The following RSRP1 variants were observed in gnomAD, a reference collection of about 807,000 sequenced individuals.
RSRP1 encodes the protein arginine and serine rich protein 1.
RSRP1 carries 37 observed loss-of-function variants against 33.0 expected under a neutral mutation model. That is an observed-to-expected ratio of 1.12 (90% confidence interval 0.86 to 1.48). RSRP1 has a LOEUF of 1.48. Ranked by LOEUF, RSRP1 falls within the 40% of genes most tolerant of loss-of-function variation. The pLI is 0.00. For synonymous variants in RSRP1, 167 were observed against 158.7 expected (o/e 1.05, Z -0.40); for missense variants, 402 against 385.3 (o/e 1.04, Z -0.36).
intron 1 of RSRP1, among the ~76,000 whole-genome samples, chr1:25,303,730 G>A (rs191247400): frequency 7.6e-5 from 10 of 131,500 alleles, no homozygotes; most frequent in Non-Finnish European, 1.6e-4. Context: ...TCAAGGACAG[G>A]GACTGGAGTG....
chr1:25,318,438 A>C (rs1644523518), intron 1 of RSRP1, among the ~76,000 whole-genome samples: 1 of 130,788 alleles, frequency 7.6e-6, no homozygotes, highest in Admixed American at 7.4e-5. Flanking sequence ...AAATACAAAA[A>C]TTAGCCAGGC....
At chr1:25,260,365 A>G (rs1368677483) in intron 1 of RSRP1, among the ~76,000 whole-genome samples, 1 of 152,214 alleles carries the variant, frequency 6.6e-6, no homozygotes, top group East Asian at 1.9e-4. Flanking sequence ...AGGACTTTTA[A>G]ACTATAAGCA....
In RSRP1 at chr1:25,306,853, T is replaced by C. The variant is rs756354071; in HGVS notation, c.-67+31125A>G. 5.2e-6 allele frequency: 5 copies of C among 954,122 alleles called. No individual in the cohort carries two copies. In the Admixed American group the frequency reaches 9.2e-5, roughly 18 times the overall value. The allele number at this position is 954,122 out of a possible 1,614,324, so 59.1% of individuals were successfully genotyped here. A position where few individuals can be genotyped will look rare whatever the true frequency, so the allele number is the denominator to read the frequency against. ...CAGGTGCTCAGTAGGCTTCGGTGAA[T>C]ATTTGTTGGCTGATTTATTCAGAAA... On this transcript the variant is annotated intron_variant, in intron 1 of 1. Coordinates refer to the RSRP1 transcript ENST00000561867.
In RSRP1 at chr1:25,307,514, T is replaced by C. The variant is rs1643911784; in HGVS notation, c.-67+30464A>G. 3.9e-6 allele frequency: 2 copies of C among 510,282 alleles called. 1 individual carries two copies. Among genetic ancestry groups the C allele is most frequent in the Non-Finnish European group, 7.4e-6 (2 of 268,502 alleles). The allele number at this position is 510,282 out of a possible 1,614,324, so 31.6% of individuals were successfully genotyped here. On this transcript the variant is annotated intron_variant, in intron 1 of 1. Coordinates refer to the RSRP1 transcript ENST00000561867. ...TCACTGATAACATTTACTACTGTTA[T>C]TGACTGCTTTAAAAGTGTTGGGCAT...
intron 1 of RSRP1, among the ~76,000 whole-genome samples, chr1:25,291,106 C>T (rs1417562064): frequency 7.7e-6 from 1 of 130,026 alleles, no homozygotes; most frequent in Admixed American, 7.5e-5. Context: ...AGCTGGGCAA[C>T]ATAGCAAGAC....
At chr1:25,256,490 T>G (rs1272342038) in intron 1 of RSRP1, among the ~76,000 whole-genome samples, 1 of 152,118 alleles carries the variant, frequency 6.6e-6, no homozygotes, top group Non-Finnish European at 1.5e-5. Flanking sequence ...AGAGTCTCAC[T>G]CAGTCACCCA....
chr1:25,289,225 TACTC>T (rs1484602144), intron 1 of RSRP1, among the ~76,000 whole-genome samples: 2 of 132,418 alleles, frequency 1.5e-5, no homozygotes, highest in African/African-American at 5.2e-5. Context: ...GAGGCAGTCT[TACTC>T]TGTTGCCCAG....
intron 1 of RSRP1, chr1:25,290,563 G>GA: frequency 9.1e-7 from 1 of 1,099,794 alleles, no homozygotes; most frequent in Non-Finnish European, 1.4e-6. Flanking sequence ...AAGAATGAAT[G>GA]AATGAATGAA....
chr1:25,270,467 G>C lies in RSRP1; in HGVS notation c.-66-23438C>G, dbSNP rs1163838500. Among the ~76,000 whole-genome samples the C allele has an allele frequency of 1.5e-5, 2 of 131,436 alleles. 1 individual carries two copies. Among genetic ancestry groups the C allele is most frequent in the Non-Finnish European group, 3.6e-5 (2 of 55,648 alleles). 86.2% of individuals were successfully genotyped at this position (131,436 alleles called of 152,430 possible). ...ACAAACCCTATTGGGAACCGCGCATGAGAGGGATCTAGGTTGCGTGCTCCT... is the reference window on the plus strand; with the variant it reads ...ACAAACCCTATTGGGAACCGCGCATCAGAGGGATCTAGGTTGCGTGCTCCT... On this transcript the variant is annotated intron_variant, in intron 1 of 1. Coordinates refer to the RSRP1 transcript ENST00000561867.
In RSRP1 at chr1:25,301,722, C is replaced by G. The variant is rs1437958523; in HGVS notation, c.-67+36256G>C. On this transcript the variant is annotated intron_variant, in intron 1 of 1. Transcript: ENST00000561867. ...CGCTGCCCTTGGGCAGCACTTGGGTCTAACAGGACTAGCACACATATTTAT... is the reference window on the plus strand; with the variant it reads ...CGCTGCCCTTGGGCAGCACTTGGGTGTAACAGGACTAGCACACATATTTAT... The G allele has an allele frequency of 7.5e-6, 10 of 1,325,674 alleles. 3 individuals carry two copies. The highest frequency in any genetic ancestry group is 9.7e-6 in the Non-Finnish European group (9 of 930,846). 82.1% of individuals were successfully genotyped at this position (1,325,674 alleles called of 1,614,324 possible).
chr1:25,297,033 C>T lies in RSRP1; in HGVS notation c.-67+40945G>A, dbSNP rs1643013243. On this transcript the variant is annotated intron_variant, in intron 1 of 1. Transcript: ENST00000561867. ...TATGATTACCTTATTCTCATTTCACCAATTTTCTCAATAATATCTTTTCTA... is the reference window on the plus strand; with the variant it reads ...TATGATTACCTTATTCTCATTTCACTAATTTTCTCAATAATATCTTTTCTA... Among the ~76,000 whole-genome samples, 4 of 130,800 alleles carry T rather than the reference C, an allele frequency of 3.1e-5. 1 individual carries two copies. Among genetic ancestry groups the T allele is most frequent in the Non-Finnish European group, 5.4e-5 (3 of 55,672 alleles). The allele number at this position is 130,800 out of a possible 152,430, so 85.8% of individuals were successfully genotyped here.
intron 1 of RSRP1, among the ~76,000 whole-genome samples, chr1:25,333,036 G>A (rs1385172884): frequency 7.6e-6 from 1 of 131,728 alleles, no homozygotes; most frequent in Non-Finnish European, 1.8e-5. Flanking sequence ...AAAGGCTGGT[G>A]TAGGTCCTGG....
At chr1:25,253,858 C>T (rs568707006) in intron 1 of RSRP1, 2 of 152,220 alleles carry the variant, frequency 1.3e-5, no homozygotes, top group Non-Finnish European at 2.9e-5. Context: ...AGCACTGCTC[C>T]AGGAGTTTCC....
rs1268679489 is a variant in RSRP1, at chr1:25,322,523, G to C, written c.-67+15455C>G. Among the ~76,000 whole-genome samples the C allele has an allele frequency of 3.8e-5, 5 of 132,068 alleles. 2 individuals carry two copies. The highest frequency in any genetic ancestry group is 9.0e-5 in the Non-Finnish European group (5 of 55,626). 86.6% of individuals were successfully genotyped at this position (132,068 alleles called of 152,430 possible). A position where few individuals can be genotyped will look rare whatever the true frequency, so the allele number is the denominator to read the frequency against. On this transcript the variant is annotated intron_variant, in intron 1 of 1. Coordinates refer to the RSRP1 transcript ENST00000561867. Reference sequence around the variant, plus strand: ...CCCCATCTCTACTAAAAATACAAAAGTTAGCTGGGTGTGGTGGCACATGCC... The same window carrying C: ...CCCCATCTCTACTAAAAATACAAAACTTAGCTGGGTGTGGTGGCACATGCC...
rs1644961157 is a variant in RSRP1 at position 25,329,836 on chromosome 1, T to C, written c.-67+8142A>G. ...ACCCAGCTAATTTTTGCATTTTTAC[T>C]TGACAGGGTTTCACCATGTTGGCTA... is the stretch of plus-strand genomic sequence containing the variant. On this transcript the variant is annotated intron_variant, in intron 1 of 1. Coordinates refer to the RSRP1 transcript ENST00000561867. 2 of 128,712 alleles carry C rather than the reference T, an allele frequency of 1.6e-5. 1 individual carries two copies. Among genetic ancestry groups the C allele is most frequent in the Non-Finnish European group, 3.7e-5 (2 of 54,486 alleles). 8.0% of individuals were successfully genotyped at this position (128,712 alleles called of 1,614,324 possible).
chr1:25,252,532 CTTTT>C (rs535973265), intron 1 of RSRP1, among the ~76,000 whole-genome samples: 3 of 135,800 alleles, frequency 2.2e-5, no homozygotes, highest in Non-Finnish European at 1.6e-5. Flanking sequence ...GGACCCTGAC[CTTTT>C]TTTTTTTTTT....
At chr1:25,304,861 G>C (rs1465097684) in intron 1 of RSRP1, 1 of 131,776 alleles carries the variant, frequency 7.6e-6, no homozygotes, top group Non-Finnish European at 1.8e-5. Flanking sequence ...AGAACACATA[G>C]CAAGTTATCA....
chr1:25,288,340 C>CTTTTTT (rs1258431849), intron 1 of RSRP1, among the ~76,000 whole-genome samples: 1 of 113,492 alleles, frequency 8.8e-6, no homozygotes, highest in African/African-American at 2.9e-5. Context: ...CCACACCTAG[C>CTTTTTT]TTTTTTTTTT....
At position 25,289,374 on chromosome 1, in the gene RSRP1, T is replaced by C. The variant is rs929099570; in HGVS notation, c.-66-42345A>G. ...CATGCCCGGGTAATTTTTGTATTTT[T>C]AGTTGAGACAGAGTTTCACCATGTT... On this transcript the variant is annotated intron_variant, in intron 1 of 1. Transcript: ENST00000561867. 2.4e-5 allele frequency among the ~76,000 whole-genome samples: 3 copies of C among 127,376 alleles called. 1 individual carries two copies. The highest frequency in any genetic ancestry group is 7.9e-5 in the African/African-American group (3 of 37,754). 83.6% of individuals were successfully genotyped at this position (127,376 alleles called of 152,430 possible).
Sources: gnomAD v4.1 joint callset for allele counts (sites outside exome capture counted in the v4.1 genomes callset) on GRCh38, gnomAD v4.1.1 for gene constraint, MANE v1.5 for transcripts, NCBI Gene and HGNC (gene_info 2026-07-23, HGNC 2026-07-21) for gene names.